Variants in FBLN1 observed in about 807,000 individuals in gnomAD.
The protein encoded by FBLN1 is fibulin 1.
In FBLN1, 34 loss-of-function variants were observed where a neutral mutation model predicts 89.7. The ratio of observed to expected loss-of-function variants is 0.38; its 90% confidence interval spans 0.29 to 0.50. The LOEUF is 0.50. Among genes scored for constraint, FBLN1 ranks in the 20% least tolerant of loss-of-function variants. The probability of loss-of-function intolerance (pLI) is 0.92; values close to 1 mark genes in which losing one functional copy is unlikely to be tolerated. For synonymous variants in FBLN1, 393 were observed against 391.3 expected (o/e 1.00, Z -0.05); for missense variants, 777 against 988.1 (o/e 0.79, Z 2.86).
In FBLN1 at chr22:45,572,149, A is replaced by G. The variant is rs1167306779; in HGVS notation, c.1698-2362A>G. 6.6e-6 allele frequency among the ~76,000 whole-genome samples: 1 copy of G among 152,152 alleles called. No individual in the cohort carries two copies. The highest frequency in any genetic ancestry group is 1.5e-5 in the Non-Finnish European group (1 of 68,028). On this transcript the variant is annotated intron_variant, in intron 14 of 16. Transcript: ENST00000327858. The surrounding 1 kb of genome is among the most constrained non-coding windows in gnomAD (Gnocchi z 5.8). Reference sequence around the variant, plus strand: ...TCTCAAAAAATATATAAAAATAAAAATAAATGAAAAACAAAAACAGAAATA... The same window carrying G: ...TCTCAAAAAATATATAAAAATAAAAGTAAATGAAAAACAAAAACAGAAATA...
chr22:45,511,501 C>T (rs1317531072), intron 1 of FBLN1, among the ~76,000 whole-genome samples: 1 of 148,198 alleles, frequency 6.7e-6, no homozygotes, highest in Non-Finnish European at 1.5e-5. Context: ...GGATGGAGTA[C>T]AGTGGCACGA....
At chr22:45,567,564 C>A (rs2088910038) in intron 14 of FBLN1, among the ~76,000 whole-genome samples, 1 of 152,110 alleles carries the variant, frequency 6.6e-6, no homozygotes, top group Admixed American at 6.5e-5. Context: ...TCCAGTGAGC[C>A]AAGATTGTGC....
intron 2 of FBLN1, among the ~76,000 whole-genome samples, chr22:45,523,373 C>T (rs114970925): frequency 0.01 from 1,594 of 152,234 alleles, 36 homozygotes; most frequent in African/African-American, 0.037. Context: ...GTGCCTGGGA[C>T]ACTTGATTGC....
rs1357674973 is a variant in FBLN1 at position 45,530,877 on chromosome 22, C to T, written c.485-388C>T. Among the ~76,000 whole-genome samples the T allele has an allele frequency of 3.3e-5, 5 of 152,102 alleles. No individual in the cohort carries two copies. Among genetic ancestry groups the T allele is most frequent in the Non-Finnish European group, 7.3e-5 (5 of 68,032 alleles). On this transcript the variant is annotated intron_variant, in intron 4 of 16. Coordinates refer to ENST00000327858, the MANE Select transcript of FBLN1 (RefSeq NM_006486.3). This position sits in a 1 kb window ranked among gnomAD's most constrained non-coding sequence, Gnocchi z 5.4. ...CTCCTGAGTTCAAGCGATTATCCTG[C>T]CTCAACTTCCTGAGTACCTGAGATT...
intron 8 of FBLN1, among the ~76,000 whole-genome samples, chr22:45,538,365 G>T (rs2088510046): frequency 1.3e-5 from 2 of 152,334 alleles, no homozygotes; most frequent in South Asian, 4.1e-4. Context: ...AAACCTAAGT[G>T]TAGGAAGTAA....
In FBLN1 at chr22:45,536,764, C is replaced by CA. The variant is rs1225334590; in HGVS notation, c.922+1433dup. Among the ~76,000 whole-genome samples the CA allele has an allele frequency of 5.6e-5, 8 of 143,562 alleles. No homozygotes were observed. The highest frequency in any genetic ancestry group is 1.1e-4 in the Non-Finnish European group (7 of 65,626). The allele number at this position is 143,562 out of a possible 152,430, so 94.2% of individuals were successfully genotyped here. On this transcript the variant is annotated intron_variant, in intron 8 of 16. Coordinates refer to ENST00000327858, the MANE Select transcript of FBLN1 (RefSeq NM_006486.3). This position sits in a 1 kb window ranked among gnomAD's most constrained non-coding sequence, Gnocchi z 5.1. ...TGGGTGACAGAGTGAGACTCCATCTCAAAAAAGAAAAAAAAAAAGAAATTG... is the reference window on the plus strand; with the variant it reads ...TGGGTGACAGAGTGAGACTCCATCTCAAAAAAAGAAAAAAAAAAAGAAATTG...
In FBLN1 at chr22:45,561,731, G is replaced by A. The variant is rs1404910180; in HGVS notation, c.1697+11116G>A. ...GGGACAGAACTAACGGAATACATATGTATAATGGAGAGTTTATTAAGCATT... is the reference window on the plus strand; with the variant it reads ...GGGACAGAACTAACGGAATACATATATATAATGGAGAGTTTATTAAGCATT... On this transcript the variant is annotated intron_variant, in intron 14 of 16. Transcript: ENST00000327858. The surrounding 1 kb of genome is among the most constrained non-coding windows in gnomAD (Gnocchi z 4.7). Among the ~76,000 whole-genome samples the A allele has an allele frequency of 2.0e-5, 3 of 152,160 alleles. No individual in the cohort carries two copies. Among genetic ancestry groups the A allele is most frequent in the African/African-American group, 7.2e-5 (3 of 41,438 alleles).
At chr22:45,529,444 C>A (rs868129480) in intron 4 of FBLN1, among the ~76,000 whole-genome samples, 1 of 152,220 alleles carries the variant, frequency 6.6e-6, no homozygotes, top group Non-Finnish European at 1.5e-5. Context: ...ACACTTAGGC[C>A]ACGGTTTCTT....
chr22:45,517,453 G>T, intron 1 of FBLN1: 1 of 435,240 alleles, frequency 2.3e-6, no homozygotes. Flanking sequence ...GTGCCCACTG[G>T]GGCTGTAGCC....
chr22:45,540,005 A>T (rs1200256805), intron 8 of FBLN1, among the ~76,000 whole-genome samples: 1 of 152,130 alleles, frequency 6.6e-6, no homozygotes. Context: ...TGTGGCAACC[A>T]CTCAACTCTG....
Position 45,596,311 on chromosome 22 carries a change from G to T in FBLN1, c.1973-3996G>T, listed in dbSNP as rs1356743961. On this transcript the variant is annotated intron_variant, in intron 16 of 16. Transcript: ENST00000327858. ...AAAGGGCCTACTTAGAACGTCTGTG[G>T]CAGGTCCCTGTCCCACATGGAGCTC... is the stretch of plus-strand genomic sequence containing the variant. Among the ~76,000 whole-genome samples, 3 of 152,286 alleles carry T rather than the reference G, an allele frequency of 2.0e-5. 1 individual carries two copies. The highest frequency in any genetic ancestry group is 4.1e-4 in the South Asian group (2 of 4,820).
At chr22:45,505,930 A>G (rs959446144) in intron 1 of FBLN1, among the ~76,000 whole-genome samples, 9 of 152,090 alleles carry the variant, frequency 5.9e-5, no homozygotes, top group Non-Finnish European at 1.2e-4. Context: ...CATCACGCCC[A>G]GCTAATTTTT....
rs751193518 is a variant in FBLN1, at chr22:45,565,171, A to G, written c.1698-9340A>G. On this transcript the variant is annotated intron_variant, in intron 14 of 16. Coordinates refer to ENST00000327858, the MANE Select transcript of FBLN1 (RefSeq NM_006486.3). ...CTCCCATGTTGTAGTACATTCTCCA[A>G]GATGCAGCCCAGGAGCCTCTCTGAA... The G allele has an allele frequency of 4.5e-6, 7 of 1,556,588 alleles. No individual in the cohort carries two copies. The East Asian group carries it at 1.4e-4, about 32-fold the overall frequency.
intron 16 of FBLN1, among the ~76,000 whole-genome samples, chr22:45,594,867 TGGAC>T (rs139620138): frequency 1.3e-5 from 2 of 151,578 alleles, no homozygotes; most frequent in African/African-American, 2.4e-5. Context: ...GATGGATGGA[TGGAC>T]GGATGGATGG....
At chr22:45,548,217 CT>C (rs926199959) in intron 12 of FBLN1, among the ~76,000 whole-genome samples, 13 of 152,050 alleles carry the variant, frequency 8.5e-5, no homozygotes, top group Non-Finnish European at 1.3e-4. Context: ...GCCTGACTAA[CT>C]TTTTTGATTT....
chr22:45,502,972 G>A lies in FBLN1; in HGVS notation c.-14G>A, dbSNP rs2087965161. The A allele has an allele frequency of 8.6e-7, 1 of 1,159,706 alleles. No individual in the cohort carries two copies. Among genetic ancestry groups the A allele is most frequent in the African/African-American group, 1.6e-5 (1 of 61,312 alleles). The allele number at this position is 1,159,706 out of a possible 1,614,324, so 71.8% of individuals were successfully genotyped here. ...CTTTGTCCGCCGCCGCCCACCGCCC[G>A]TCGCCCGCCGCCCATGGAGCGCGCC... On this transcript the variant is annotated 5_prime_UTR_variant, in exon 1 of 17. Coordinates refer to ENST00000327858, the MANE Select transcript of FBLN1 (RefSeq NM_006486.3).
intron 16 of FBLN1, among the ~76,000 whole-genome samples, chr22:45,592,095 C>G (rs933124442): frequency 6.6e-6 from 1 of 152,180 alleles, no homozygotes; most frequent in African/African-American, 2.4e-5. Context: ...CGGAAACCTG[C>G]GGCCCTGTTA....
At chr22:45,543,855 C>G (rs566309327) in intron 11 of FBLN1, among the ~76,000 whole-genome samples, 2 of 152,188 alleles carry the variant, frequency 1.3e-5, no homozygotes, top group Non-Finnish European at 2.9e-5. Flanking sequence ...TCCCTGCCTC[C>G]GTGTCCTCCC....
At chr22:45,568,454 TTCTGTAGGGGAGTGCTC>T in intron 14 of FBLN1, among the ~76,000 whole-genome samples, 1 of 147,560 alleles carries the variant, frequency 6.8e-6, no homozygotes, top group Non-Finnish European at 1.5e-5. Context: ...GGAGTGCTCC[TTCTGTAGGGGAGTGCTC>T]CTTCTGTAGG....
Sources: gnomAD v4.1 joint callset for allele counts (sites outside exome capture counted in the v4.1 genomes callset) on GRCh38, gnomAD v4.1.1 for gene constraint, Gnocchi (gnomAD v3.1) non-coding constraint, MANE v1.5 for transcripts, NCBI Gene and HGNC (gene_info 2026-07-23, HGNC 2026-07-21) for gene names.